The following KAZN variants were observed in gnomAD, a reference collection of about 807,000 sequenced individuals.
KAZN encodes kazrin.
Under a neutral mutation model 87.4 loss-of-function variants are expected in KAZN, and 40 were observed. The ratio of observed to expected loss-of-function variants is 0.46; its 90% CI spans 0.36 to 0.60. KAZN has a LOEUF of 0.60. KAZN is among the 20% of genes least tolerant of loss of function. The probability of loss-of-function intolerance (pLI) is 0.00; values close to 1 mark genes in which losing one functional copy is unlikely to be tolerated. For synonymous variants in KAZN, 466 were observed against 458.3 expected (o/e 1.02, Z -0.22); for missense variants, 898 against 1,073.9 (o/e 0.84, Z 2.29).
chr1:13,901,890 C>T (rs1207874174), intron 1 of KAZN, among the ~76,000 whole-genome samples: 4 of 152,382 alleles, frequency 2.6e-5, no homozygotes, highest in South Asian at 2.1e-4. Flanking sequence ...AGGTGCTTTA[C>T]TTGTGCTACT....
intron 1 of KAZN, among the ~76,000 whole-genome samples, chr1:14,897,736 G>A (rs1346595553): frequency 2.0e-5 from 3 of 152,164 alleles, no homozygotes; most frequent in South Asian, 2.1e-4. Context: ...CAATCTGGCC[G>A]TTGTGATATG....
intron 2 of KAZN, among the ~76,000 whole-genome samples, chr1:14,433,255 A>AC (rs559368819): frequency 7.8e-4 from 119 of 151,774 alleles, no homozygotes; most frequent in Non-Finnish European, 1.3e-3. Flanking sequence ...GCCAGCACCC[A>AC]CCCCCCACAG....
At chr1:14,342,195 C>T (rs2993798) in intron 2 of KAZN, among the ~76,000 whole-genome samples, 8,358 of 152,212 alleles carry the variant, frequency 0.055, 296 homozygotes, top group South Asian at 0.085. Context: ...GTAGTCATTC[C>T]GTGGTGTATG....
intron 10 of KAZN, 146 bp from the exon 11 acceptor site, chr1:15,101,397 T>C (rs759325878): frequency 6.4e-6 from 4 of 623,476 alleles, no homozygotes; most frequent in Non-Finnish European, 1.1e-5. Flanking sequence ...GCTCCATCCC[T>C]GTCCATGTCT....
chr1:14,932,774 C>G (rs537105986), intron 1 of KAZN, among the ~76,000 whole-genome samples: 4 of 144,942 alleles, frequency 2.8e-5, no homozygotes, highest in East Asian at 2.1e-4. Context: ...AGTTCAGAAC[C>G]CTGCACTTTT....
intron 1 of KAZN, among the ~76,000 whole-genome samples, chr1:14,824,680 T>G (rs1372584113): frequency 6.6e-6 from 1 of 152,204 alleles, no homozygotes; most frequent in Non-Finnish European, 1.5e-5. Context: ...CTATTTATGT[T>G]ACTGTGATCA....
At chr1:14,792,422 C>T (rs571660832) in intron 1 of KAZN, among the ~76,000 whole-genome samples, 2 of 152,188 alleles carry the variant, frequency 1.3e-5, no homozygotes, top group Non-Finnish European at 2.9e-5. Context: ...ACTTACCAAA[C>T]GTGGTGGCTT....
rs972976763 is a variant in KAZN at position 14,773,284 on chromosome 1, G to A, written c.226+174061G>A. ...ATGGGGTGAGCTACAGTGGGACTGT[G>A]GCACACAGTGGTGGCCTGGCGTATG... On this transcript the variant is annotated intron_variant, in intron 1 of 14. Transcript: ENST00000376030. This position sits in a 1 kb window ranked among gnomAD's most constrained non-coding sequence, Gnocchi z 5.9. Among the ~76,000 whole-genome samples the A allele has an allele frequency of 2.0e-5, 3 of 152,124 alleles. No individual in the cohort carries two copies. The highest frequency in any genetic ancestry group is 2.9e-5 in the Non-Finnish European group (2 of 68,016).
chr1:14,685,637 G>A (rs1023588359), intron 1 of KAZN, among the ~76,000 whole-genome samples: 7 of 152,230 alleles, frequency 4.6e-5, no homozygotes, highest in African/African-American at 1.4e-4. Context: ...TCAAGCCTGT[G>A]TATGCCAGTT....
intron 2 of KAZN, among the ~76,000 whole-genome samples, chr1:14,511,320 T>G (rs935778938): frequency 6.6e-6 from 1 of 152,192 alleles, no homozygotes; most frequent in African/African-American, 2.4e-5. Context: ...TGGGCTTAAC[T>G]AAGAGAGACA....
chr1:14,624,733 G>A (rs1344290405), intron 1 of KAZN, among the ~76,000 whole-genome samples: 3 of 152,178 alleles, frequency 2.0e-5, no homozygotes, highest in African/African-American at 4.8e-5. Context: ...GCCAAGTCAT[G>A]GCTGAACACG....
intron 8 of KAZN, among the ~76,000 whole-genome samples, chr1:15,068,709 CG>C (rs1557777027): frequency 6.6e-6 from 1 of 151,938 alleles, no homozygotes; most frequent in Non-Finnish European, 1.5e-5. Context: ...CCTCCCCCAG[CG>C]AGACTCCACT....
chr1:14,621,048 A>AAGG (rs1189241288), intron 1 of KAZN, among the ~76,000 whole-genome samples: 4 of 152,148 alleles, frequency 2.6e-5, no homozygotes, highest in African/African-American at 9.7e-5. Context: ...AGGCAGCTCC[A>AAGG]AGGAGGGGAC....
At chr1:14,023,614 T>C (rs1203856632) in intron 1 of KAZN, among the ~76,000 whole-genome samples, 1 of 152,150 alleles carries the variant, frequency 6.6e-6, no homozygotes, top group African/African-American at 2.4e-5. Context: ...GTTACCTGCA[T>C]GTGGATTTCA....
chr1:14,273,030 C>T (rs992512937), intron 2 of KAZN, among the ~76,000 whole-genome samples: 25 of 152,132 alleles, frequency 1.6e-4, no homozygotes, highest in Middle Eastern at 3.4e-3. Flanking sequence ...AGAGAGGAAA[C>T]GACTTGCCCA....
At chr1:15,093,582 T>A (rs1460306926) in intron 8 of KAZN, among the ~76,000 whole-genome samples, 5 of 152,022 alleles carry the variant, frequency 3.3e-5, no homozygotes, top group Non-Finnish European at 7.4e-5. Context: ...CATAGACAGA[T>A]GGGGAACATG....
At chr1:14,108,889 C>T (rs533591866) in intron 1 of KAZN, among the ~76,000 whole-genome samples, 59 of 152,328 alleles carry the variant, frequency 3.9e-4, no homozygotes, top group African/African-American at 1.2e-3. Flanking sequence ...CCAACCCCAA[C>T]ATATTTCTAG....
intron 8 of KAZN, among the ~76,000 whole-genome samples, chr1:15,069,669 C>G (rs1037525281): frequency 2.0e-5 from 3 of 152,210 alleles, no homozygotes; most frequent in African/African-American, 4.8e-5. Flanking sequence ...TCTCCAGGAC[C>G]TTGCTCCAAA....
chr1:14,472,063 T>A (rs34322882), intron 2 of KAZN, among the ~76,000 whole-genome samples: 19 of 152,150 alleles, frequency 1.2e-4, no homozygotes, highest in African/African-American at 4.6e-4. Flanking sequence ...TCTGCTTCAA[T>A]AGATGGCACT....
Sources: gnomAD v4.1 joint callset for allele counts (sites outside exome capture counted in the v4.1 genomes callset) on GRCh38, gnomAD v4.1.1 for gene constraint, Gnocchi (gnomAD v3.1) non-coding constraint, MANE v1.5 for transcripts, NCBI Gene and HGNC (gene_info 2026-07-23, HGNC 2026-07-21) for gene names.